The following TRHDE variants were observed in gnomAD, a reference collection of about 807,000 sequenced individuals.
TRHDE encodes thyrotropin releasing hormone degrading enzyme.
A neutral mutation model predicts 125.7 loss-of-function variants in TRHDE; 72 were observed. The observed-to-expected ratio is 0.57, with a 90% CI of 0.47 to 0.70. The LOEUF is 0.70. Ranked by LOEUF, TRHDE falls within the 30% of genes least tolerant of loss-of-function variation. TRHDE has a pLI of 0.00. For missense variants in TRHDE, 1,110 were observed against 1,327.1 expected, an observed-to-expected ratio of 0.84 and a Z score of 2.54; for synonymous variants, 509 against 509.1, an observed-to-expected ratio of 1.00 and a Z score of 0.00.
intron 2 of TRHDE, among the ~76,000 whole-genome samples, chr12:72,193,463 T>A (rs993143987): frequency 3.9e-5 from 6 of 152,152 alleles, no homozygotes; most frequent in African/African-American, 1.4e-4. Flanking sequence ...AGAGGCTTTT[T>A]AAATGTTAAT....
chr12:72,633,170 A>G (rs1424848833), intron 15 of TRHDE, among the ~76,000 whole-genome samples: 1 of 152,026 alleles, frequency 6.6e-6, no homozygotes, highest in Non-Finnish European at 1.5e-5. Flanking sequence ...TAATTTTAAA[A>G]GCCACTTGAA....
intron 2 of TRHDE, among the ~76,000 whole-genome samples, chr12:72,368,413 T>C (rs955560599): frequency 6.6e-6 from 1 of 152,174 alleles, no homozygotes; most frequent in African/African-American, 2.4e-5. Context: ...ATAATTTTAG[T>C]ACAATGAAAG....
chr12:72,454,699 T>C (rs1326187740), intron 3 of TRHDE, among the ~76,000 whole-genome samples: 1 of 152,154 alleles, frequency 6.6e-6, no homozygotes, highest in Non-Finnish European at 1.5e-5. Flanking sequence ...TTAATGTACA[T>C]ATAAGTAGTC....
At chr12:72,188,580 G>A (rs1339962834) in intron 2 of TRHDE, among the ~76,000 whole-genome samples, 3 of 152,062 alleles carry the variant, frequency 2.0e-5, no homozygotes, top group Non-Finnish European at 4.4e-5. Flanking sequence ...CAGACTATTG[G>A]GCCCTCTGGT....
intron 4 of TRHDE, among the ~76,000 whole-genome samples, chr12:72,472,228 T>G (rs1565755594): frequency 6.6e-6 from 1 of 152,298 alleles, no homozygotes; most frequent in East Asian, 1.9e-4. Context: ...AAATGTCAGC[T>G]GCATGAGGAG....
At chr12:72,636,233 G>C (rs1873744133) in intron 15 of TRHDE, among the ~76,000 whole-genome samples, 1 of 151,722 alleles carries the variant, frequency 6.6e-6, no homozygotes, top group Admixed American at 6.6e-5. Context: ...CTTGTAAGTT[G>C]GATTCCTAGG....
Position 72,665,773 on chromosome 12 carries a change from A to T in TRHDE, c.*2578A>T, listed in dbSNP as rs1444836068. ...AATATGTGTACAAAAAAGTAGTTTC[A>T]ATTAGAAAGGACAACATTATTTATC... is the stretch of plus-strand genomic sequence containing the variant. On this transcript the variant is annotated 3_prime_UTR_variant, in exon 19 of 19. Transcript: ENST00000261180. The T allele has an allele frequency of 6.6e-6, 1 of 152,106 alleles. No homozygotes were observed. Among genetic ancestry groups the T allele is most frequent in the Non-Finnish European group, 1.5e-5 (1 of 68,000 alleles). The allele number at this position is 152,106 out of a possible 1,614,324, so 9.4% of individuals were successfully genotyped here.
chr12:72,156,086 C>T (rs560650693), intron 2 of TRHDE, among the ~76,000 whole-genome samples: 12 of 152,304 alleles, frequency 7.9e-5, no homozygotes, highest in Non-Finnish European at 1.3e-4. Flanking sequence ...ACTCAAGCCT[C>T]GGCAGTGGCG....
chr12:72,542,487 T>A, intron 7 of TRHDE, 131 bp downstream of exon 7: 2 of 595,796 alleles, frequency 3.4e-6, no homozygotes, highest in Non-Finnish European at 5.5e-6. Flanking sequence ...GCAATGTCTT[T>A]CTATATGACA....
At chr12:72,205,022 T>TA (rs769791956) in intron 2 of TRHDE, among the ~76,000 whole-genome samples, 1 of 152,210 alleles carries the variant, frequency 6.6e-6, no homozygotes, top group Non-Finnish European at 1.5e-5. Context: ...TGTATGCTGG[T>TA]AAAATAGCTG....
chr12:72,458,091 A>G (rs747451456), intron 3 of TRHDE, among the ~76,000 whole-genome samples: 5 of 152,098 alleles, frequency 3.3e-5, no homozygotes, highest in African/African-American at 4.8e-5. Flanking sequence ...CCCCTAACAG[A>G]GCATTGGTTT....
intron 2 of TRHDE, among the ~76,000 whole-genome samples, chr12:72,116,548 A>G (rs577830087): frequency 2.0e-5 from 3 of 152,084 alleles, no homozygotes; most frequent in Non-Finnish European, 2.9e-5. Flanking sequence ...ATAATGATTG[A>G]CATTCTAATT....
intron 2 of TRHDE, among the ~76,000 whole-genome samples, chr12:72,303,500 C>T (rs1169177364): frequency 6.6e-6 from 1 of 152,046 alleles, no homozygotes; most frequent in African/African-American, 2.4e-5. Flanking sequence ...TTAGAGTCAC[C>T]TGGGGACTTT....
chr12:72,171,062 T>C (rs1176183325), intron 2 of TRHDE, among the ~76,000 whole-genome samples: 2 of 152,158 alleles, frequency 1.3e-5, no homozygotes, highest in African/African-American at 4.8e-5. Flanking sequence ...AGTGGCCACG[T>C]GTTTTAGCAA....
chr12:72,110,401 G>A (rs1332507377), intron 2 of TRHDE, among the ~76,000 whole-genome samples: 2 of 151,866 alleles, frequency 1.3e-5, no homozygotes, highest in South Asian at 2.1e-4. Context: ...AACCTGCTCA[G>A]GTCTGATGTC....
chr12:72,363,401 A>G (rs565765363), intron 2 of TRHDE, among the ~76,000 whole-genome samples: 85 of 152,046 alleles, frequency 5.6e-4, no homozygotes, highest in African/African-American at 2.0e-3. Context: ...ATCCAGCAGC[A>G]CATCAAAAAG....
chr12:72,605,748 T>C (rs904308830), intron 12 of TRHDE, among the ~76,000 whole-genome samples: 3 of 152,118 alleles, frequency 2.0e-5, no homozygotes, highest in Non-Finnish European at 4.4e-5. Context: ...TTTACTAAGA[T>C]GAGAGAAGGT....
chr12:72,371,829 G>C (rs1383878761), intron 2 of TRHDE, among the ~76,000 whole-genome samples: 1 of 152,074 alleles, frequency 6.6e-6, no homozygotes, highest in Non-Finnish European at 1.5e-5. Flanking sequence ...CTTTGCTATT[G>C]TGAATAGTGC....
At chr12:72,424,515 A>G (rs1027469761) in intron 3 of TRHDE, among the ~76,000 whole-genome samples, 3 of 152,116 alleles carry the variant, frequency 2.0e-5, no homozygotes, top group African/African-American at 7.2e-5. Context: ...TGGACTTATA[A>G]TCTCCAGAAT....
Sources: gnomAD v4.1 joint callset for allele counts (sites outside exome capture counted in the v4.1 genomes callset) on GRCh38, gnomAD v4.1.1 for gene constraint, MANE v1.5 for transcripts, NCBI Gene and HGNC (gene_info 2026-07-23, HGNC 2026-07-21) for gene names.